Variants in RSL24D1 observed in about 807,000 individuals in gnomAD.
RSL24D1 encodes probable ribosome biogenesis protein RLP24.
A neutral mutation model predicts 26.2 loss-of-function variants in RSL24D1; 6 were observed. That is an observed-to-expected ratio of 0.23 (90% confidence interval 0.13 to 0.45). The LOEUF is 0.45. Among genes scored for constraint, RSL24D1 ranks in the 20% least tolerant of loss-of-function variants. The probability of loss-of-function intolerance (pLI) is 0.99; values close to 1 mark genes in which losing one functional copy is unlikely to be tolerated. For missense variants in RSL24D1, 176 were observed against 202.6 expected (o/e 0.87, Z 0.80); for synonymous variants, 61 against 59.1 (o/e 1.03, Z -0.15).
chr15:55,184,975 G>A (rs1328103067), intron 4 of RSL24D1, among the ~76,000 whole-genome samples: 1 of 152,118 alleles, frequency 6.6e-6, no homozygotes, highest in Non-Finnish European at 1.5e-5. Context: ...GAAATATGAA[G>A]GACTTTGTGT....
rs11276944 is a variant in RSL24D1 at position 55,188,456 on chromosome 15, GGGGGCAA to G, written c.268+2512_268+2518del. 8.8e-3 allele frequency among the ~76,000 whole-genome samples: 1,336 copies of G among 152,268 alleles called. 21 individuals are homozygous for G. Among genetic ancestry groups the G allele is most frequent in the African/African-American group, 0.031 (1,288 of 41,540 alleles). ...CAGAATTTACAGATGTATAAATGTG[GGGGGCAA>G]GAGAATGAGACTCTGTAATAAAACC... On this transcript the variant is annotated intron_variant, in intron 3 of 5. Transcript: ENST00000260443.
intron 3 of RSL24D1, among the ~76,000 whole-genome samples, chr15:55,189,270 T>C (rs1259163566): frequency 6.6e-6 from 1 of 151,966 alleles, no homozygotes; most frequent in Non-Finnish European, 1.5e-5. Flanking sequence ...TTGAAATCAA[T>C]TTAAGAATCC....
chr15:55,192,711 C>T lies in RSL24D1; in HGVS notation c.195+9G>A, dbSNP rs368427632. The stretch of plus-strand genomic sequence containing the variant: ...TGTAAAAACTATATTGATAGCTAAC[C>T]GTACTCACCACTGTAAGCTCTTTAC... On this transcript the variant is annotated intron_variant, in intron 2 of 5. Coordinates refer to ENST00000260443, the MANE Select transcript of RSL24D1 (RefSeq NM_016304.3). 239 of 1,579,204 alleles carry T rather than the reference C, an allele frequency of 1.5e-4. No homozygotes were observed. Among genetic ancestry groups the T allele is most frequent in the South Asian group, 5.9e-4 (53 of 90,328 alleles).
At chr15:55,189,616 T>C (rs1378362053) in intron 3 of RSL24D1, among the ~76,000 whole-genome samples, 3 of 152,170 alleles carry the variant, frequency 2.0e-5, no homozygotes, top group Non-Finnish European at 4.4e-5. Flanking sequence ...AATTTTTTTT[T>C]CCCTTAGCTC....
At chr15:55,194,613 A>C (rs539556702) in intron 1 of RSL24D1, among the ~76,000 whole-genome samples, 1 of 152,286 alleles carries the variant, frequency 6.6e-6, no homozygotes, top group South Asian at 2.1e-4. Flanking sequence ...TTAAGCCCTC[A>C]TTAAGAATGT....
chr15:55,196,913 C>T lies in RSL24D1; in HGVS notation c.-23G>A. 1 of 1,611,108 alleles carries T rather than the reference C, an allele frequency of 6.2e-7. No homozygotes were observed. On this transcript the variant is annotated 5_prime_UTR_variant, in exon 1 of 6. In the 5' UTR this introduces an upstream ATG that the reference lacks. Coordinates refer to ENST00000260443, the MANE Select transcript of RSL24D1 (RefSeq NM_016304.3). ...CATGTTGAACCCGCGTGTAACCCCA[C>T]CAAACAAACGCCAAGCTTGAGAGGA...
rs11540394 is a variant in RSL24D1 at position 55,196,856 on chromosome 15, G to A, written c.35C>T (p.Pro12Leu). Residue 12 changes from proline (P) to leucine (L), a missense_variant, in exon 1 of 6, where the codon CCC becomes CTC. By Grantham distance (98) the Pro-to-Leu change is moderately conservative. Coordinates refer to ENST00000260443, the MANE Select transcript of RSL24D1 (RefSeq NM_016304.3). ...RIEKCYFCSG[P>L]IYPGHGMMFV... ...CATCATGCCGTGTCCAGGATAGATG[G>A]GCCCCGAACAGAAATAACACTTTTC... 2 of 1,614,164 alleles carry A rather than the reference G, an allele frequency of 1.2e-6. No homozygotes were observed. Among genetic ancestry groups the A allele is most frequent in the Non-Finnish European group, 1.7e-6 (2 of 1,180,032 alleles).
At chr15:55,196,563 C>T (rs1447452852) in intron 1 of RSL24D1, 1 of 588,892 alleles carries the variant, frequency 1.7e-6, no homozygotes, top group Non-Finnish European at 3.0e-6. Flanking sequence ...GGGATCGCTC[C>T]TGAAGTTCCT....
At chr15:55,190,743 G>C (rs1057346083) in intron 3 of RSL24D1, among the ~76,000 whole-genome samples, 17 of 151,516 alleles carry the variant, frequency 1.1e-4, no homozygotes, top group Non-Finnish European at 2.2e-4. Flanking sequence ...ACTTCAAGTA[G>C]TATCAAAGTT....
chr15:55,196,615 G>A, intron 1 of RSL24D1, 195 bp downstream of exon 1: 1 of 607,234 alleles, frequency 1.6e-6, no homozygotes, highest in Admixed American at 2.9e-5. Flanking sequence ...GGCCAGCGCC[G>A]CTCGGAAGAC....
At chr15:55,188,431 C>T (rs1894247004) in intron 3 of RSL24D1, among the ~76,000 whole-genome samples, 1 of 152,130 alleles carries the variant, frequency 6.6e-6, no homozygotes, top group Non-Finnish European at 1.5e-5. Flanking sequence ...CTGCTTCTTA[C>T]AGAATTTACA....
intron 1 of RSL24D1, among the ~76,000 whole-genome samples, chr15:55,194,825 C>T (rs893992409): frequency 4.7e-5 from 7 of 150,536 alleles, no homozygotes; most frequent in African/African-American, 1.5e-4. Context: ...CACACACACA[C>T]ACACACACAC....
chr15:55,196,176 T>TCCAGTCTC (rs1244659055), intron 1 of RSL24D1, among the ~76,000 whole-genome samples: 1 of 152,198 alleles, frequency 6.6e-6, no homozygotes, highest in Non-Finnish European at 1.5e-5. Flanking sequence ...CTATCATCAT[T>TCCAGTCTC]TACAATCCAG....
chr15:55,196,936 G>C lies in RSL24D1; in HGVS notation c.-46C>G. 6.3e-7 allele frequency: 1 copy of C among 1,583,282 alleles called. No individual in the cohort carries two copies. Among genetic ancestry groups the C allele is most frequent in the Non-Finnish European group, 8.7e-7 (1 of 1,152,892 alleles). ...CACCAAACAAACGCCAAGCTTGAGAGGAAGTGATGCAACCCCGTCACCGGA... is the reference window on the plus strand; with the variant it reads ...CACCAAACAAACGCCAAGCTTGAGACGAAGTGATGCAACCCCGTCACCGGA... On this transcript the variant is annotated 5_prime_UTR_variant, in exon 1 of 6. Coordinates refer to ENST00000260443, the MANE Select transcript of RSL24D1 (RefSeq NM_016304.3).
intron 1 of RSL24D1, chr15:55,194,465 A>G (rs1894332769): frequency 6.6e-6 from 1 of 152,162 alleles, no homozygotes; most frequent in African/African-American, 2.4e-5. Flanking sequence ...TGGATGGCTT[A>G]TGTGTCAGGC....
At chr15:55,190,813 G>C (rs905198029) in intron 3 of RSL24D1, among the ~76,000 whole-genome samples, 162 bp downstream of exon 3, 1 of 151,926 alleles carries the variant, frequency 6.6e-6, no homozygotes, top group East Asian at 1.9e-4. Context: ...AATGATGAAA[G>C]ATCTGACTAC....
At chr15:55,195,114 CA>C (rs1217264100) in intron 1 of RSL24D1, among the ~76,000 whole-genome samples, 1 of 150,276 alleles carries the variant, frequency 6.7e-6, no homozygotes, top group Non-Finnish European at 1.5e-5. Context: ...AGAAAGAAGG[CA>C]AAGACACCAC....
chr15:55,186,859 T>C (rs988912782), intron 3 of RSL24D1, among the ~76,000 whole-genome samples: 5 of 152,090 alleles, frequency 3.3e-5, no homozygotes, highest in Non-Finnish European at 7.4e-5. Context: ...GTATTTTGCA[T>C]GCTTAAACAG....
intron 1 of RSL24D1, chr15:55,196,609 A>C: frequency 1.7e-6 from 1 of 602,222 alleles, no homozygotes; most frequent in Non-Finnish European, 2.9e-6. Context: ...CGTGGTGGCC[A>C]GCGCCGCTCG....
Sources: allele counts gnomAD v4.1 joint callset (sites outside exome capture counted in the v4.1 genomes callset), GRCh38; gene constraint gnomAD v4.1.1; transcripts MANE v1.5; gene names NCBI Gene and HGNC (gene_info 2026-07-23, HGNC 2026-07-21).